Variants in CHMP6 observed in about 807,000 individuals in gnomAD.
CHMP6 encodes the protein charged multivesicular body protein 6.
Under a neutral mutation model 32.8 loss-of-function variants are expected in CHMP6, and 10 were observed. The ratio of observed to expected loss-of-function variants is 0.30; its 90% confidence interval spans 0.19 to 0.52. The LOEUF (loss-of-function observed/expected upper bound fraction) is 0.52, where lower values mean the gene tolerates loss of function less well. Ranked by LOEUF, CHMP6 falls within the 20% of genes least tolerant of loss-of-function variation. The probability of loss-of-function intolerance (pLI) is 0.97; values close to 1 mark genes in which losing one functional copy is unlikely to be tolerated. For missense variants in CHMP6, 269 were observed against 263.8 expected, an observed-to-expected ratio of 1.02 and a Z score of -0.14; for synonymous variants, 123 against 105.8, an observed-to-expected ratio of 1.16 and a Z score of -1.00.
At chr17:80,998,969 C>G in intron 7 of CHMP6, 129 bp from the exon 8 acceptor site, 3 of 1,035,936 alleles carry the variant, frequency 2.9e-6, no homozygotes, top group Non-Finnish European at 1.4e-6. Context: ...TCCCCCAGAG[C>G]TGGGCGTGCC....
intron 4 of CHMP6, among the ~76,000 whole-genome samples, chr17:80,996,766 CAT>C (rs1286973210): frequency 7.2e-5 from 11 of 152,216 alleles, no homozygotes; most frequent in Admixed American, 7.2e-4. Context: ...CTGGGACACA[CAT>C]GTCCTGGCCT....
At position 80,999,121 on chromosome 17, in the gene CHMP6, C is replaced by T; in HGVS notation, c.574C>T (p.Pro192Ser). The T allele has an allele frequency of 6.2e-7, 1 of 1,614,092 alleles. No homozygotes were observed. Among genetic ancestry groups the T allele is most frequent in the Non-Finnish European group, 8.5e-7 (1 of 1,179,954 alleles). The stretch of plus-strand genomic sequence containing the variant: ...AGAAAACGTCCCTGTCAAGGCCAGG[C>T]CCAGGCAGGCGGAGCTGGTGGCAGC... ...IPENVPVKAR[P>S]RQAELVAAS The change falls in exon 8 of 8, where the codon CCC (proline) becomes TCC (serine). Residue 192 changes from proline to serine, a missense_variant. Coordinates refer to ENST00000325167, the MANE Select transcript of CHMP6 (RefSeq NM_024591.5).
chr17:80,991,889 G>T lies in CHMP6; in HGVS notation c.-30G>T. On this transcript the variant is annotated 5_prime_UTR_variant, in exon 1 of 8. Transcript: ENST00000325167. ...GGGGCGGCGGTGGCGATTGGACTTG[G>T]TGGGTCCCGGGCCAGGGGCGGGCGC... 1 of 1,408,812 alleles carries T rather than the reference G, an allele frequency of 7.1e-7. No homozygotes were observed. Among genetic ancestry groups the T allele is most frequent in the Non-Finnish European group, 9.3e-7 (1 of 1,069,542 alleles). The allele number at this position is 1,408,812 out of a possible 1,614,324, so 87.3% of individuals were successfully genotyped here. A position where few individuals can be genotyped will look rare whatever the true frequency, so the allele number is the denominator to read the frequency against.
chr17:80,991,922 G>T lies in CHMP6; in HGVS notation c.4G>T (p.Gly2Cys). 1 of 1,468,368 alleles carries T rather than the reference G, an allele frequency of 6.8e-7. No individual in the cohort carries two copies. The highest frequency in any genetic ancestry group is 9.1e-7 in the Non-Finnish European group (1 of 1,104,550). 91.0% of individuals were successfully genotyped at this position (1,468,368 alleles called of 1,614,324 possible). M[G>C]NLFGRKKQSR... is the part of the protein sequence containing the mutation. Reference sequence around the variant, plus strand: ...CGGGCCAGGGGCGGGCGCCGCCATGGGTAACCTGTTCGGCCGCAAGAAGCA... The same window carrying T: ...CGGGCCAGGGGCGGGCGCCGCCATGTGTAACCTGTTCGGCCGCAAGAAGCA... The change falls in exon 1 of 8, where the codon GGT (glycine) becomes TGT (cysteine). Residue 2 changes from glycine to cysteine, a missense_variant. Physicochemically the swap from Gly to Cys is radical, Grantham distance 159. Coordinates refer to ENST00000325167, the MANE Select transcript of CHMP6 (RefSeq NM_024591.5).
chr17:80,992,866 C>G (rs1421039267), intron 1 of CHMP6, among the ~76,000 whole-genome samples: 1 of 152,200 alleles, frequency 6.6e-6, no homozygotes, highest in Admixed American at 6.5e-5. Context: ...AAATTTTGTG[C>G]AACAGAAATA....
Position 80,998,253 on chromosome 17 carries a change from T to G in CHMP6, c.496-113T>G. On this transcript the variant is annotated intron_variant, in intron 6 of 7. Transcript: ENST00000325167. Reference sequence around the variant, plus strand: ...TCTGAGCAGCACGTTCCTGTCCGCTTTAACTCCGGCTGAGAGCGGCTGACG... The same window carrying G: ...TCTGAGCAGCACGTTCCTGTCCGCTGTAACTCCGGCTGAGAGCGGCTGACG... The G allele has an allele frequency of 3.1e-6, 4 of 1,280,334 alleles. No individual in the cohort carries two copies. The South Asian group carries it at 3.7e-5, about 12-fold the overall frequency. The allele number at this position is 1,280,334 out of a possible 1,614,324, so 79.3% of individuals were successfully genotyped here.
Position 80,999,244 on chromosome 17 carries a change from C to T in CHMP6, c.*91C>T. On this transcript the variant is annotated 3_prime_UTR_variant, in exon 8 of 8. Coordinates refer to ENST00000325167, the MANE Select transcript of CHMP6 (RefSeq NM_024591.5). ...CACGGCCAGCCCCTGACCGGGTTCC[C>T]TGGAGCCCAGTGCGCACGGTGCTGA... 6.8e-7 allele frequency: 1 copy of T among 1,481,042 alleles called. No individual in the cohort carries two copies. The highest frequency in any genetic ancestry group is 9.4e-7 in the Non-Finnish European group (1 of 1,063,070). The allele number at this position is 1,481,042 out of a possible 1,614,324, so 91.7% of individuals were successfully genotyped here.
intron 4 of CHMP6, 37 bp downstream of exon 4, chr17:80,995,795 G>A (rs2069633195): frequency 6.3e-7 from 1 of 1,586,666 alleles, no homozygotes; most frequent in South Asian, 1.1e-5. Flanking sequence ...GGAGGTGTGG[G>A]GAGCCCATTG....
intron 1 of CHMP6, 40 bp downstream of exon 1, chr17:80,992,021 A>G (rs771807662): frequency 1.6e-5 from 21 of 1,323,934 alleles, no homozygotes; most frequent in South Asian, 3.7e-5. Context: ...GGGCCGGGAC[A>G]GGCGACGGGG....
Position 80,992,027 on chromosome 17 carries a change from C to T in CHMP6, c.63+46C>T, listed in dbSNP as rs1598437796. 8 of 1,278,432 alleles carry T rather than the reference C, an allele frequency of 6.3e-6. No homozygotes were observed. In the East Asian group the frequency reaches 1.0e-4, roughly 16 times the overall value. The allele number at this position is 1,278,432 out of a possible 1,614,324, so 79.2% of individuals were successfully genotyped here. On this transcript the variant is annotated intron_variant, in intron 1 of 7. Coordinates refer to ENST00000325167, the MANE Select transcript of CHMP6 (RefSeq NM_024591.5). ...TCAGGGCTGGGGCCGGGACAGGCGACGGGGCCGGGGCGGGCGGCGGGGCCG... is the reference window on the plus strand; with the variant it reads ...TCAGGGCTGGGGCCGGGACAGGCGATGGGGCCGGGGCGGGCGGCGGGGCCG...
At chr17:80,993,665 C>T (rs2069612757) in intron 1 of CHMP6, among the ~76,000 whole-genome samples, 2 of 152,234 alleles carry the variant, frequency 1.3e-5, no homozygotes, top group South Asian at 4.1e-4. Context: ...AACTTAAGGA[C>T]CTGATAGAGC....
At chr17:80,995,561 AC>A (rs1185188209) in intron 3 of CHMP6, 110 bp from the exon 4 acceptor site, 7 of 852,506 alleles carry the variant, frequency 8.2e-6, no homozygotes, top group Middle Eastern at 3.3e-4. Flanking sequence ...AGTCACCCTC[AC>A]GCCCAGCAGC....
chr17:80,999,292 G>A lies in CHMP6; in HGVS notation c.*139G>A, dbSNP rs568279080. On this transcript the variant is annotated 3_prime_UTR_variant, in exon 8 of 8. Transcript: ENST00000325167. ...TGAGCAGAGCTGCAGCCACGCAGGC[G>A]CATTGCAGGAGGACTCCAGAGCGTC... 7 of 918,302 alleles carry A rather than the reference G, an allele frequency of 7.6e-6. No individual in the cohort carries two copies. The highest frequency in any genetic ancestry group is 1.5e-5 in the South Asian group (1 of 66,292). The allele number at this position is 918,302 out of a possible 1,614,324, so 56.9% of individuals were successfully genotyped here. A position where few individuals can be genotyped will look rare whatever the true frequency, so the allele number is the denominator to read the frequency against.
At chr17:80,996,545 G>A (rs1293814880) in intron 4 of CHMP6, among the ~76,000 whole-genome samples, 1 of 152,218 alleles carries the variant, frequency 6.6e-6, no homozygotes, top group Non-Finnish European at 1.5e-5. Context: ...CTGGTGGTGT[G>A]TGCCGGTCAA....
chr17:80,995,254 G>C, intron 3 of CHMP6, 148 bp downstream of exon 3: 11 of 745,680 alleles, frequency 1.5e-5, no homozygotes, highest in Non-Finnish European at 2.2e-5. Flanking sequence ...GGCGGGCCTG[G>C]AATCCCGGGG....
chr17:80,995,826 C>A (rs1568028200), intron 4 of CHMP6, 68 bp downstream of exon 4: 3 of 1,431,702 alleles, frequency 2.1e-6, no homozygotes, highest in African/African-American at 1.4e-5. Context: ...GGGGATAGGG[C>A]GGGGGGCTTG....
At chr17:80,993,117 C>G (rs1243479237) in intron 1 of CHMP6, among the ~76,000 whole-genome samples, 3 of 152,206 alleles carry the variant, frequency 2.0e-5, no homozygotes, top group African/African-American at 7.2e-5. Flanking sequence ...GGACTCAGCT[C>G]CGGTTTCTCT....
Position 80,998,422 on chromosome 17 carries a change from T to G in CHMP6, c.550+2T>G. 6.2e-7 allele frequency: 1 copy of G among 1,614,162 alleles called. No homozygotes were observed. The highest frequency in any genetic ancestry group is 8.5e-7 in the Non-Finnish European group (1 of 1,180,004). ...AGCCCCTTCCTGAGAAGATCCCAGG[T>G]ATTTCCATGTTTGATTCTTTTGAAT... On this transcript the variant is annotated splice_donor_variant, in intron 7 of 7. Transcript: ENST00000325167. LOFTEE classifies it high-confidence loss of function.
At chr17:80,995,844 G>A in intron 4 of CHMP6, 86 bp downstream of exon 4, 4 of 1,245,512 alleles carry the variant, frequency 3.2e-6, no homozygotes, top group Non-Finnish European at 4.6e-6. Flanking sequence ...TTGTCCCACG[G>A]TGTTCGTGTC....
Sources: gnomAD v4.1 joint callset for allele counts (sites outside exome capture counted in the v4.1 genomes callset) on GRCh38, gnomAD v4.1.1 for gene constraint, MANE v1.5 for transcripts, NCBI Gene and HGNC (gene_info 2026-07-23, HGNC 2026-07-21) for gene names.